TIAM1: variants seen among roughly 807,000 people sequenced by gnomAD.
TIAM1 encodes TIAM Rac1 associated GEF 1, also known as rho guanine nucleotide exchange factor TIAM1.
Under a neutral mutation model 163.5 loss-of-function variants are expected in TIAM1, and 65 were observed. That is an observed-to-expected ratio of 0.40 (90% CI 0.33 to 0.49). The LOEUF (loss-of-function observed/expected upper bound fraction) is 0.49. Ranked by LOEUF, TIAM1 falls within the 20% of genes least tolerant of loss-of-function variation. TIAM1 has a pLI of 0.77. For missense variants in TIAM1, 1,789 were observed against 2,044.7 expected (o/e 0.87, Z 2.41); for synonymous variants, 833 against 810.1 (o/e 1.03, Z -0.48).
chr21:31,341,184 C>T (rs2076006295), intron 1 of TIAM1, among the ~76,000 whole-genome samples: 1 of 152,128 alleles, frequency 6.6e-6, no homozygotes, highest in African/African-American at 2.4e-5. Flanking sequence ...GGATAGAAAC[C>T]TTACACGAAT....
chr21:31,319,334 G>T (rs2075230436), intron 2 of TIAM1, among the ~76,000 whole-genome samples: 1 of 152,114 alleles, frequency 6.6e-6, no homozygotes, highest in Admixed American at 6.6e-5. Context: ...GGAATTGTGG[G>T]GTCACATAGT....
intron 11 of TIAM1, among the ~76,000 whole-genome samples, chr21:31,209,122 G>C (rs1398813492): frequency 1.3e-5 from 2 of 152,060 alleles, no homozygotes; most frequent in African/African-American, 4.8e-5. Context: ...AGCCAGACGT[G>C]GGTTCAGTCT....
intron 1 of TIAM1, among the ~76,000 whole-genome samples, chr21:31,550,734 A>C (rs1326355271): frequency 6.6e-6 from 1 of 152,160 alleles, no homozygotes; most frequent in African/African-American, 2.4e-5. Flanking sequence ...CAACATTACC[A>C]CTCCTGACTG....
chr21:31,191,713 C>T (rs1333240742), intron 13 of TIAM1, among the ~76,000 whole-genome samples: 1 of 152,172 alleles, frequency 6.6e-6, no homozygotes, highest in Non-Finnish European at 1.5e-5. Flanking sequence ...TCAAGACTGA[C>T]GCCTGGTGCC....
At chr21:31,384,811 A>G (rs1182848231) in intron 2 of TIAM1, among the ~76,000 whole-genome samples, 2 of 152,222 alleles carry the variant, frequency 1.3e-5, no homozygotes, top group Admixed American at 1.3e-4. Context: ...TGGTACATGG[A>G]AAACCATGTT....
intron 1 of TIAM1, among the ~76,000 whole-genome samples, chr21:31,507,380 T>G (rs564012348): frequency 6.6e-6 from 1 of 151,544 alleles, no homozygotes; most frequent in Admixed American, 6.6e-5. Flanking sequence ...AATTTTTTTG[T>G]ATTCTTAGTA....
chr21:31,122,589 A>G (rs987562582), intron 27 of TIAM1, among the ~76,000 whole-genome samples: 10 of 152,238 alleles, frequency 6.6e-5, no homozygotes, highest in African/African-American at 2.4e-4. Context: ...GAATTCTTTC[A>G]GCTCTTCTAT....
chr21:31,473,580 C>G (rs1445931506), intron 1 of TIAM1, among the ~76,000 whole-genome samples: 1 of 151,400 alleles, frequency 6.6e-6, no homozygotes, highest in Non-Finnish European at 1.5e-5. Flanking sequence ...TTCTTGGTGG[C>G]CCCTGGAGCA....
intron 1 of TIAM1, among the ~76,000 whole-genome samples, chr21:31,530,889 T>A (rs931346641): frequency 1.3e-5 from 2 of 150,990 alleles, no homozygotes; most frequent in African/African-American, 4.9e-5. Flanking sequence ...ATTTAGAGGT[T>A]AAAAAAAAAT....
chr21:31,153,027 G>T (rs723469), intron 18 of TIAM1, 39 bp downstream of exon 18: 1 of 1,583,160 alleles, frequency 6.3e-7, no homozygotes. Flanking sequence ...GTCAAACCAC[G>T]GTATGATGGT....
At chr21:31,149,844 T>C (rs2083296775) in intron 19 of TIAM1, among the ~76,000 whole-genome samples, 1 of 152,166 alleles carries the variant, frequency 6.6e-6, no homozygotes, top group Non-Finnish European at 1.5e-5. Flanking sequence ...CTAACTTATT[T>C]CAAATGAAGA....
At chr21:31,352,373 CAT>C (rs1023685840) in intron 2 of TIAM1, among the ~76,000 whole-genome samples, 3 of 152,012 alleles carry the variant, frequency 2.0e-5, no homozygotes, top group African/African-American at 7.2e-5. Context: ...AAGTTTTGGA[CAT>C]AGATAGTGGT....
chr21:31,390,732 A>T (rs2076952508), intron 2 of TIAM1, among the ~76,000 whole-genome samples: 1 of 152,232 alleles, frequency 6.6e-6, no homozygotes, highest in Non-Finnish European at 1.5e-5. Flanking sequence ...TGTTTGATCG[A>T]GCCCAGAGCT....
chr21:31,486,863 A>G (rs2046289264), intron 1 of TIAM1, among the ~76,000 whole-genome samples: 1 of 152,226 alleles, frequency 6.6e-6, no homozygotes, highest in African/African-American at 2.4e-5. Context: ...GGGAGCACTG[A>G]GACCTTTCTG....
chr21:31,314,247 A>T (rs1372759543), intron 2 of TIAM1, among the ~76,000 whole-genome samples: 5 of 152,090 alleles, frequency 3.3e-5, no homozygotes, highest in Non-Finnish European at 5.9e-5. Flanking sequence ...GCAAGGATAT[A>T]TTTTTTTTAA....
In TIAM1 at chr21:31,144,970, T is replaced by C. The variant is rs1402945858; in HGVS notation, c.3475+1925A>G. Among the ~76,000 whole-genome samples, 4 of 152,244 alleles carry C rather than the reference T, an allele frequency of 2.6e-5. No homozygotes were observed. In the South Asian group the frequency reaches 6.2e-4, roughly 24 times the overall value. ...TCCATGGGGGCAGAATTTAATCTAA[T>C]TGAGTGATTAAAAATAACACAAATT... is the stretch of plus-strand genomic sequence containing the variant. On this transcript the variant is annotated intron_variant, in intron 20 of 27. Coordinates refer to ENST00000541036, the MANE Select transcript of TIAM1 (RefSeq NM_001353694.2).
chr21:31,300,405 G>A (rs1047179868), intron 2 of TIAM1, among the ~76,000 whole-genome samples: 1 of 152,190 alleles, frequency 6.6e-6, no homozygotes, highest in African/African-American at 2.4e-5. Context: ...AAACAAGTAT[G>A]GGAAATGCTC....
At chr21:31,255,166 T>C (rs934800870) in intron 4 of TIAM1, among the ~76,000 whole-genome samples, 15 of 152,190 alleles carry the variant, frequency 9.9e-5, no homozygotes, top group Admixed American at 2.6e-4. Flanking sequence ...CCAGGTGAGC[T>C]TGCATGCTTT....
chr21:31,380,310 G>A (rs764306245), intron 2 of TIAM1, among the ~76,000 whole-genome samples: 2 of 152,054 alleles, frequency 1.3e-5, no homozygotes, highest in Non-Finnish European at 2.9e-5. Context: ...TTGGGAGGCC[G>A]AGGTGGGTGG....
Sources: gnomAD v4.1 joint callset for allele counts (sites outside exome capture counted in the v4.1 genomes callset) on GRCh38, gnomAD v4.1.1 for gene constraint, MANE v1.5 for transcripts, NCBI Gene and HGNC (gene_info 2026-07-23, HGNC 2026-07-21) for gene names.